XIRP2: variants seen among roughly 807,000 people sequenced by gnomAD.
The protein encoded by XIRP2 is xin actin binding repeat containing 2, also known as xin actin-binding repeat-containing protein 2.
A neutral mutation model predicts 277.0 loss-of-function variants in XIRP2; 236 were observed. The observed-to-expected ratio is 0.85, with a 90% CI of 0.77 to 0.95. XIRP2 has a LOEUF of 0.95. Among genes scored for constraint, XIRP2 ranks in the 40% least tolerant of loss-of-function variants. The pLI, the probability that XIRP2 is intolerant of heterozygous loss-of-function variation, is 0.00. For synonymous variants in XIRP2, 1,490 were observed against 1,416.5 expected, an observed-to-expected ratio of 1.05 and a Z score of -1.17; for missense variants, 4,640 against 4,157.5, an observed-to-expected ratio of 1.12 and a Z score of -3.19.
intron 2 of XIRP2, among the ~76,000 whole-genome samples, chr2:167,127,566 T>C (rs756662564): frequency 3.3e-5 from 5 of 152,188 alleles, no homozygotes; most frequent in Non-Finnish European, 5.9e-5. Flanking sequence ...CTGCATGTTC[T>C]AATTCAATAA....
At chr2:167,229,860 TAAC>T (rs1052363405) in intron 5 of XIRP2, among the ~76,000 whole-genome samples, 5 of 152,152 alleles carry the variant, frequency 3.3e-5, no homozygotes, top group Non-Finnish European at 7.4e-5. Context: ...TCACAGATCT[TAAC>T]AACACAGAAT....
At chr2:167,071,835 T>A (rs1689444343) in intron 2 of XIRP2, among the ~76,000 whole-genome samples, 1 of 152,090 alleles carries the variant, frequency 6.6e-6, no homozygotes, top group African/African-American at 2.4e-5. Context: ...GTGGCTCTCA[T>A]GAGAAGATGA....
At chr2:167,119,112 G>T (rs1262749509) in intron 2 of XIRP2, among the ~76,000 whole-genome samples, 2 of 152,178 alleles carry the variant, frequency 1.3e-5, no homozygotes, top group African/African-American at 4.8e-5. Flanking sequence ...AAAGTGGATT[G>T]GGATGGGTTG....
chr2:166,983,854 G>A (rs1438428767), intron 2 of XIRP2, among the ~76,000 whole-genome samples: 1 of 152,188 alleles, frequency 6.6e-6, no homozygotes, highest in East Asian at 1.9e-4. Context: ...TTTTAATCGT[G>A]TATGCCACAA....
intron 2 of XIRP2, among the ~76,000 whole-genome samples, chr2:167,009,486 T>C (rs1377266211): frequency 6.6e-6 from 1 of 151,810 alleles, no homozygotes; most frequent in Non-Finnish European, 1.5e-5. Context: ...GGGGTTGATT[T>C]CAAGTCTTTG....
chr2:167,044,300 A>G (rs979885761), intron 2 of XIRP2, among the ~76,000 whole-genome samples: 1 of 152,126 alleles, frequency 6.6e-6, no homozygotes. Context: ...ATCTATACAA[A>G]CCAACAGTCA....
intron 2 of XIRP2, among the ~76,000 whole-genome samples, chr2:167,030,297 T>A (rs977553689): frequency 6.6e-6 from 1 of 152,148 alleles, no homozygotes; most frequent in African/African-American, 2.4e-5. Context: ...TACTTTTGAT[T>A]GTGATGTTAG....
At chr2:166,911,208 T>C (rs1684690014) in intron 2 of XIRP2, among the ~76,000 whole-genome samples, 1 of 152,202 alleles carries the variant, frequency 6.6e-6, no homozygotes. Context: ...ATGTTGACAG[T>C]GGGGTTTTAA....
chr2:167,024,890 A>G (rs1271742654), intron 2 of XIRP2, among the ~76,000 whole-genome samples: 1 of 152,184 alleles, frequency 6.6e-6, no homozygotes, highest in Admixed American at 6.6e-5. Flanking sequence ...ATCAATGTTC[A>G]TCAAAGATAT....
intron 2 of XIRP2, among the ~76,000 whole-genome samples, chr2:167,044,400 A>G (rs1485599617): frequency 6.6e-6 from 1 of 152,076 alleles, no homozygotes; most frequent in Non-Finnish European, 1.5e-5. Context: ...CCTATTAAAC[A>G]TAGCATTGGC....
intron 3 of XIRP2, among the ~76,000 whole-genome samples, chr2:167,175,789 A>G (rs1692824449): frequency 1.3e-5 from 2 of 152,132 alleles, no homozygotes; most frequent in South Asian, 2.1e-4. Context: ...GATTTTATCT[A>G]TAAGCCCCTG....
intron 2 of XIRP2, among the ~76,000 whole-genome samples, chr2:167,018,404 G>C (rs538767394): frequency 6.6e-6 from 1 of 152,076 alleles, no homozygotes; most frequent in East Asian, 1.9e-4. Flanking sequence ...TATGAAAAAG[G>C]CATTCTGGGA....
intron 2 of XIRP2, among the ~76,000 whole-genome samples, chr2:166,904,506 G>A (rs1399556613): frequency 2.0e-5 from 3 of 152,082 alleles, no homozygotes; most frequent in African/African-American, 7.2e-5. Context: ...CAGTGATTAT[G>A]GTGTACTATA....
intron 2 of XIRP2, among the ~76,000 whole-genome samples, chr2:167,040,152 TAGAC>T (rs757632363): frequency 6.0e-5 from 9 of 151,136 alleles, no homozygotes; most frequent in East Asian, 1.9e-4. Context: ...TTTAGCAAAA[TAGAC>T]AGGAATATTT....
chr2:167,070,977 T>C (rs1217034473), intron 2 of XIRP2, among the ~76,000 whole-genome samples: 1 of 152,222 alleles, frequency 6.6e-6, no homozygotes, highest in Non-Finnish European at 1.5e-5. Context: ...CAATATCATT[T>C]ACATACTATT....
At position 167,244,094 on chromosome 2, in the gene XIRP2, C is replaced by A; in HGVS notation, c.2702C>A (p.Ala901Asp). The change falls in exon 9 of 11, where the codon GCC becomes GAC. Residue 901 changes from alanine (A) to aspartate (D), a missense_variant. Coordinates refer to ENST00000409195, the MANE Select transcript of XIRP2 (RefSeq NM_152381.6). ...ATAGGAAAGCTTCAAAAAATCACTGCCTCTGAAGAAGAAAAAGGGGATGTT... is the reference window on the plus strand; with the variant it reads ...ATAGGAAAGCTTCAAAAAATCACTGACTCTGAAGAAGAAAAAGGGGATGTT... Reference protein sequence around the residue: ...PDIGKLQKITASEEEKGDVRH... With the variant: ...PDIGKLQKITDSEEEKGDVRH... 6.2e-7 allele frequency: 1 copy of A among 1,613,800 alleles called. No homozygotes were observed. The highest frequency in any genetic ancestry group is 8.5e-7 in the Non-Finnish European group (1 of 1,179,904).
intron 2 of XIRP2, among the ~76,000 whole-genome samples, chr2:167,000,234 A>G (rs1042545524): frequency 5.3e-5 from 8 of 152,180 alleles, no homozygotes; most frequent in Non-Finnish European, 1.2e-4. Flanking sequence ...TGTCTTTCTC[A>G]GAAAAATGAA....
chr2:166,984,717 T>G (rs191756604), intron 2 of XIRP2, among the ~76,000 whole-genome samples: 3 of 152,190 alleles, frequency 2.0e-5, no homozygotes, highest in Admixed American at 6.5e-5. Flanking sequence ...TTCTAATGAT[T>G]ATGAAAACAC....
At chr2:167,140,068 T>C (rs1691666660) in intron 3 of XIRP2, among the ~76,000 whole-genome samples, 1 of 152,182 alleles carries the variant, frequency 6.6e-6, no homozygotes, top group Non-Finnish European at 1.5e-5. Flanking sequence ...GCAAAATAGA[T>C]AAAAGGCAAA....
Sources: gnomAD v4.1 joint callset for allele counts (sites outside exome capture counted in the v4.1 genomes callset) on GRCh38, gnomAD v4.1.1 for gene constraint, MANE v1.5 for transcripts, NCBI Gene and HGNC (gene_info 2026-07-23, HGNC 2026-07-21) for gene names.